The following LOC128092253 variants were observed in gnomAD, a reference collection of about 807,000 sequenced individuals.
the LOC128092253 span, among the ~76,000 whole-genome samples, chr6:133,961,578 C>T: frequency 2.0e-5 from 3 of 147,098 alleles, no homozygotes; most frequent in Admixed American, 2.1e-4. Flanking sequence ...AAGCATTCTT[C>T]TGCCTCAGCC....
the LOC128092253 span, among the ~76,000 whole-genome samples, chr6:133,957,545 C>T: frequency 1.1e-4 from 17 of 152,152 alleles, no homozygotes; most frequent in Non-Finnish European, 1.9e-4. Flanking sequence ...TTAACGTTCC[C>T]GCTCCTGATA....
chr6:133,970,331 T>A, the LOC128092253 span, among the ~76,000 whole-genome samples: 5 of 152,246 alleles, frequency 3.3e-5, no homozygotes, highest in African/African-American at 1.2e-4. Context: ...AATAATAATT[T>A]GATAAATTCT....
the LOC128092253 span, among the ~76,000 whole-genome samples, chr6:133,964,517 C>G: frequency 6.7e-6 from 1 of 149,860 alleles, no homozygotes; most frequent in East Asian, 2.0e-4. Context: ...GTGGCACCAT[C>G]TTGGCTCACT....
At chr6:133,960,662 A>G in the LOC128092253 span, among the ~76,000 whole-genome samples, 1 of 152,066 alleles carries the variant, frequency 6.6e-6, no homozygotes, top group African/African-American at 2.4e-5. Flanking sequence ...TTGGTTATAT[A>G]TTTTTGCTGT....
At chr6:133,974,692 T>C in the LOC128092253 span, among the ~76,000 whole-genome samples, 1 of 152,244 alleles carries the variant, frequency 6.6e-6, no homozygotes, top group Admixed American at 6.5e-5. Flanking sequence ...TTTTAAATTA[T>C]CTGAATACAC....
the LOC128092253 span, among the ~76,000 whole-genome samples, chr6:133,971,722 G>C: frequency 1.3e-5 from 2 of 151,642 alleles, no homozygotes; most frequent in Non-Finnish European, 2.9e-5. Flanking sequence ...GTTGGCCATT[G>C]GTATGTCTTC....
At chr6:133,953,589 G>A in the LOC128092253 span, among the ~76,000 whole-genome samples, 1 of 152,152 alleles carries the variant, frequency 6.6e-6, no homozygotes. Context: ...CTGAGGTGGG[G>A]GAAACCGGTC....
the LOC128092253 span, among the ~76,000 whole-genome samples, chr6:133,954,483 TCA>T: frequency 1.3e-5 from 2 of 152,214 alleles, no homozygotes; most frequent in Non-Finnish European, 2.9e-5. Context: ...AAAGGATTAT[TCA>T]CAGTTTGGTA....
At chr6:133,957,363 T>G in the LOC128092253 span, among the ~76,000 whole-genome samples, 1 of 152,182 alleles carries the variant, frequency 6.6e-6, no homozygotes, top group Non-Finnish European at 1.5e-5. Flanking sequence ...TTAGGACATA[T>G]GTGGATGATT....
the LOC128092253 span, among the ~76,000 whole-genome samples, chr6:133,961,237 T>C: frequency 6.6e-6 from 1 of 152,144 alleles, no homozygotes; most frequent in Admixed American, 6.5e-5. Flanking sequence ...TCATCAACTT[T>C]TTATTGAGTT....
At chr6:133,956,176 G>A in the LOC128092253 span, among the ~76,000 whole-genome samples, 1 of 152,152 alleles carries the variant, frequency 6.6e-6, no homozygotes, top group Non-Finnish European at 1.5e-5. Flanking sequence ...AAATATGAAC[G>A]TTGCAGTTGA....
chr6:133,958,993 G>T, the LOC128092253 span, among the ~76,000 whole-genome samples: 1 of 152,076 alleles, frequency 6.6e-6, no homozygotes, highest in Non-Finnish European at 1.5e-5. Context: ...CAAATAGATA[G>T]AGATATATAT....
chr6:133,958,981 A>G, the LOC128092253 span, among the ~76,000 whole-genome samples: 1,256 of 152,202 alleles, frequency 8.3e-3, 36 homozygotes, highest in Admixed American at 0.061. Context: ...TGACTGTTGC[A>G]CCAAATAGAT....
chr6:133,957,705 G>A, the LOC128092253 span, among the ~76,000 whole-genome samples: 136 of 152,280 alleles, frequency 8.9e-4, no homozygotes, highest in African/African-American at 3.1e-3. Flanking sequence ...TTTAATTAAT[G>A]GCATGGCCTT....
chr6:133,970,816 G>GT, the LOC128092253 span, among the ~76,000 whole-genome samples: 1 of 151,922 alleles, frequency 6.6e-6, no homozygotes, highest in Non-Finnish European at 1.5e-5. Flanking sequence ...GCCCAGGCTG[G>GT]TTTTTTATTT....
At chr6:133,957,683 C>T in the LOC128092253 span, among the ~76,000 whole-genome samples, 1 of 152,240 alleles carries the variant, frequency 6.6e-6, no homozygotes, top group African/African-American at 2.4e-5. Context: ...TGTTCAGCAT[C>T]ATGGCTGTGC....
chr6:133,955,748 C>T, the LOC128092253 span, among the ~76,000 whole-genome samples: 1 of 152,158 alleles, frequency 6.6e-6, no homozygotes, highest in African/African-American at 2.4e-5. Flanking sequence ...AGAGCCTGTT[C>T]TGTGTTTTAA....
the LOC128092253 span, among the ~76,000 whole-genome samples, chr6:133,965,757 G>A: frequency 6.6e-6 from 1 of 152,002 alleles, no homozygotes; most frequent in African/African-American, 2.4e-5. Flanking sequence ...CAAAGCTTGA[G>A]GACTACAGTG....
At chr6:133,969,149 T>C in the LOC128092253 span, among the ~76,000 whole-genome samples, 1 of 152,176 alleles carries the variant, frequency 6.6e-6, no homozygotes, top group East Asian at 1.9e-4. Context: ...GAACTTATCT[T>C]TTCTTAAGCA....
Sources: allele counts gnomAD v4.1 joint callset (sites outside exome capture counted in the v4.1 genomes callset), GRCh38; gene constraint gnomAD v4.1.1; transcripts MANE v1.5.